ACBD5: variants seen among roughly 807,000 people sequenced by gnomAD.
The protein encoded by ACBD5 is acyl-CoA-binding domain-containing protein 5.
ACBD5 carries 40 observed loss-of-function variants against 71.8 expected under a neutral mutation model. The observed-to-expected ratio is 0.56, with a 90% CI of 0.43 to 0.72. The LOEUF is 0.72. Among genes scored for constraint, ACBD5 ranks in the 30% least tolerant of loss-of-function variants. The pLI, the probability that ACBD5 is intolerant of heterozygous loss-of-function variation, is 0.00. For missense variants in ACBD5, 559 were observed against 644.5 expected (o/e 0.87, Z 1.44); for synonymous variants, 229 against 218.6 (o/e 1.05, Z -0.42).
intron 12 of ACBD5, among the ~76,000 whole-genome samples, chr10:27,199,171 C>G (rs1331243782): frequency 4.6e-5 from 7 of 151,264 alleles, no homozygotes; most frequent in Non-Finnish European, 8.8e-5. Context: ...AAAATTTGGT[C>G]TCGATGAACC....
At chr10:27,233,318 T>C (rs2064149785) in intron 3 of ACBD5, among the ~76,000 whole-genome samples, 2 of 151,620 alleles carry the variant, frequency 1.3e-5, no homozygotes, top group South Asian at 2.1e-4. Context: ...TCCCAGCTAC[T>C]CGTGAGGCTG....
At chr10:27,239,921 A>AT (rs2065252780) in intron 2 of ACBD5, among the ~76,000 whole-genome samples, 1 of 151,924 alleles carries the variant, frequency 6.6e-6, no homozygotes, top group African/African-American at 2.4e-5. Context: ...TAATTTTCGT[A>AT]TTTTTTAGTA....
At chr10:27,198,743 C>G (rs978202592) in intron 12 of ACBD5, among the ~76,000 whole-genome samples, 1 of 152,112 alleles carries the variant, frequency 6.6e-6, no homozygotes, top group Admixed American at 6.5e-5. Context: ...CTTCAGGGTG[C>G]CTGAACAATT....
chr10:27,188,811 AAG>A (rs921647664), intron 13 of ACBD5, among the ~76,000 whole-genome samples: 11 of 152,188 alleles, frequency 7.2e-5, no homozygotes, highest in Admixed American at 1.3e-4. Context: ...CAATGGGAAA[AAG>A]GGGATGGTTT....
chr10:27,203,954 C>G (rs1030554768), intron 12 of ACBD5, among the ~76,000 whole-genome samples: 3 of 151,498 alleles, frequency 2.0e-5, no homozygotes, highest in African/African-American at 4.8e-5. Flanking sequence ...TGTTTCCTCA[C>G]AAACCATAAA....
intron 12 of ACBD5, among the ~76,000 whole-genome samples, chr10:27,197,901 G>A (rs917635200): frequency 6.6e-6 from 1 of 152,166 alleles, no homozygotes; most frequent in Non-Finnish European, 1.5e-5. Context: ...AAAGTGTTGG[G>A]ATTACAGGCG....
At position 27,233,301 on chromosome 10, in the gene ACBD5, C is replaced by A. The variant is rs148654659; in HGVS notation, c.303-1481G>T. Among the ~76,000 whole-genome samples the A allele has an allele frequency of 5.9e-3, 902 of 152,196 alleles. 43 individuals are homozygous for A. In the East Asian group the frequency reaches 0.11, roughly 19 times the overall value. ...AATTAGCCAGGCGTGGTGGCACGCG[C>A]CTGTAATCCCAGCTACTCGTGAGGC... On this transcript the variant is annotated intron_variant, in intron 3 of 12. Transcript: ENST00000396271.
downstream of ACBD5, among the ~76,000 whole-genome samples, chr10:27,194,022 A>G (rs1452466870): frequency 6.6e-6 from 1 of 152,134 alleles, no homozygotes. Flanking sequence ...AGGCTGAGGC[A>G]GGTGAATCAC....
At chr10:27,221,847 G>A (rs947776346) in intron 5 of ACBD5, among the ~76,000 whole-genome samples, 1 of 141,982 alleles carries the variant, frequency 7.0e-6, no homozygotes, top group African/African-American at 2.6e-5. Context: ...GAACCCAGGA[G>A]TTGGAGGTTG....
At chr10:27,189,810 C>T (rs141126633) in intron 13 of ACBD5, among the ~76,000 whole-genome samples, 10 of 150,712 alleles carry the variant, frequency 6.6e-5, no homozygotes, top group African/African-American at 1.9e-4. Flanking sequence ...GTTTTCACAA[C>T]GGCATAATGT....
intron 13 of ACBD5, among the ~76,000 whole-genome samples, chr10:27,187,712 A>G (rs2058850712): frequency 6.6e-6 from 1 of 151,262 alleles, no homozygotes; most frequent in South Asian, 2.1e-4. Flanking sequence ...AGATCACATC[A>G]CTGCATTTCA....
chr10:27,202,441 C>T (rs1226345036), intron 12 of ACBD5, among the ~76,000 whole-genome samples: 1 of 152,120 alleles, frequency 6.6e-6, no homozygotes, highest in Non-Finnish European at 1.5e-5. Flanking sequence ...AAGCGTTTCT[C>T]CATTCAGAGA....
intron 10 of ACBD5, among the ~76,000 whole-genome samples, chr10:27,205,468 A>C (rs1192551734): frequency 6.6e-6 from 1 of 152,152 alleles, no homozygotes. Context: ...TTACCAAAGG[A>C]CAAGTTCCCT....
rs540087683 is a variant in ACBD5 at position 27,196,211 on chromosome 10, T to A, written c.*1219A>T. 5 of 453,602 alleles carry A rather than the reference T, an allele frequency of 1.1e-5. No individual in the cohort carries two copies. The highest frequency in any genetic ancestry group is 1.4e-3 in the Middle Eastern group (2 of 1,444). The allele number at this position is 453,602 out of a possible 1,614,324, so 28.1% of individuals were successfully genotyped here. A position where few individuals can be genotyped will look rare whatever the true frequency, so the allele number is the denominator to read the frequency against. On this transcript the variant is annotated 3_prime_UTR_variant, in exon 13 of 13. Transcript: ENST00000396271. ...GAGAAACTCCATTTAAAAAAAAAAA[T>A]TATTTGTTACAAAGACTGCATCAAA...
upstream of ACBD5, among the ~76,000 whole-genome samples, chr10:27,241,066 G>A (rs1257845115): frequency 6.6e-6 from 1 of 152,224 alleles, no homozygotes; most frequent in Non-Finnish European, 1.5e-5. Flanking sequence ...CTGGCAGCCG[G>A]GTGGACGAAG....
intron 4 of ACBD5, 126 bp downstream of exon 4, chr10:27,231,622 A>G (rs765845525): frequency 6.0e-6 from 5 of 833,460 alleles, no homozygotes; most frequent in Non-Finnish European, 9.9e-6. Context: ...AACAAATCCA[A>G]TAATCTAGAT....
At chr10:27,228,284 A>AAAAG (rs879934474) in intron 4 of ACBD5, among the ~76,000 whole-genome samples, 6 of 150,934 alleles carry the variant, frequency 4.0e-5, no homozygotes, top group Non-Finnish European at 7.4e-5. Context: ...AAAAAAAAAA[A>AAAAG]TAGAATTTTG....
chr10:27,235,329 G>T (rs2064514919), intron 2 of ACBD5, 117 bp from the exon 3 acceptor site: 11 of 1,282,178 alleles, frequency 8.6e-6, no homozygotes, highest in African/African-American at 3.0e-5. Context: ...TTTAGATAAT[G>T]ATTTATTTCT....
rs1007693835 is a variant in ACBD5 at position 27,195,821 on chromosome 10, T to C, written c.*1609A>G. 3.4e-5 allele frequency: 15 copies of C among 437,552 alleles called. No individual in the cohort carries two copies. The highest frequency in any genetic ancestry group is 2.6e-4 in the African/African-American group (13 of 49,264). The allele number at this position is 437,552 out of a possible 1,614,324, so 27.1% of individuals were successfully genotyped here. Reference sequence around the variant, plus strand: ...TTCAGGCAAACAAAGAACCATTCTGTATACTAAAGACAGATTATTTCTTAT... The same window carrying C: ...TTCAGGCAAACAAAGAACCATTCTGCATACTAAAGACAGATTATTTCTTAT... On this transcript the variant is annotated 3_prime_UTR_variant, in exon 13 of 13. Coordinates refer to ENST00000396271, the MANE Select transcript of ACBD5 (RefSeq NM_145698.5).
Sources: allele counts gnomAD v4.1 joint callset (sites outside exome capture counted in the v4.1 genomes callset), GRCh38; gene constraint gnomAD v4.1.1; transcripts MANE v1.5; gene names NCBI Gene and HGNC (gene_info 2026-07-23, HGNC 2026-07-21).